HK1: variants seen among roughly 807,000 people sequenced by gnomAD.
HK1 encodes the protein hexokinase 1, also known as hexokinase-1.
In HK1, 28 loss-of-function variants were observed where a neutral mutation model predicts 91.6. The observed-to-expected ratio is 0.31, with a 90% CI of 0.23 to 0.42. HK1 has a LOEUF of 0.42. HK1 is among the 10% of genes least tolerant of loss of function. HK1 has a pLI of 1.00. For synonymous variants in HK1, 430 were observed against 468.1 expected (o/e 0.92, Z 1.05); for missense variants, 770 against 1,219.8 (o/e 0.63, Z 5.49).
Position 69,384,401 on chromosome 10 carries a change from A to G in HK1, c.1639A>G (p.Ser547Gly). Residue 547 changes from serine to glycine, a missense_variant, in exon 11 of 18, where the codon AGT (serine) becomes GGT (glycine). By Grantham distance (56) the Ser-to-Gly change is moderately conservative (BLOSUM62 0). This residue lies in a region of HK1 where 48 missense variants were observed against 128.2 expected (regional missense o/e 0.37). Transcript: ENST00000359426. ...CCGTGTGCTGCTGGTGAAAATCCGT[A>G]GTGGGAAAAAGAGAACGGTGGAAAT... ...NFRVLLVKIR[S>G]GKKRTVEMHN... 6.2e-7 allele frequency: 1 copy of G among 1,614,188 alleles called. No individual in the cohort carries two copies. The highest frequency in any genetic ancestry group is 8.5e-7 in the Non-Finnish European group (1 of 1,180,028).
rs985596496 is a variant in HK1, at chr10:69,307,110, T to C, written c.27+6249T>C. Reference sequence around the variant, plus strand: ...TGGGACATATAAGACTTGATTCTCATAGGCAGCTGGAAATATAATCACGAA... The same window carrying C: ...TGGGACATATAAGACTTGATTCTCACAGGCAGCTGGAAATATAATCACGAA... On this transcript the variant is annotated intron_variant, in intron 5 of 21. Coordinates refer to the HK1 transcript ENST00000360289. Among the ~76,000 whole-genome samples the C allele has an allele frequency of 2.6e-5, 4 of 152,170 alleles. No individual in the cohort carries two copies. The South Asian group carries it at 6.2e-4, about 24-fold the overall frequency.
At chr10:69,271,623 G>A (rs1174136038) in intron 1 of HK1, among the ~76,000 whole-genome samples, 1 of 151,302 alleles carries the variant, frequency 6.6e-6, no homozygotes, top group African/African-American at 2.4e-5. Flanking sequence ...GACTACAGGT[G>A]CCTCCCACCA....
chr10:69,336,512 A>T (rs922711777), intron 1 of HK1, among the ~76,000 whole-genome samples: 3 of 151,878 alleles, frequency 2.0e-5, no homozygotes, highest in African/African-American at 7.3e-5. Flanking sequence ...CTTTAAAAAA[A>T]AAAATGAAAC....
In HK1 at chr10:69,379,873, GC is replaced by G; in HGVS notation, c.1045del (p.Leu349SerfsTer8). ...DVSAIEKNKEGLHNAKEILTR... is the reference protein window; with the variant it reads ...DVSAIEKNKEXLHNAKEILTR... The stretch of plus-strand genomic sequence containing the variant: ...TTCTAACTTCACAGGAATAAGGAAG[GC>G]CTCCACAATGCCAAAGAAATCCTGA... On this transcript the variant is annotated frameshift_variant, in exon 9 of 18. Coordinates refer to ENST00000359426, the MANE Select transcript of HK1 (RefSeq NM_000188.3). LOFTEE classifies it high-confidence loss of function. 1 of 1,611,988 alleles carries G rather than the reference GC, an allele frequency of 6.2e-7. No individual in the cohort carries two copies. The highest frequency in any genetic ancestry group is 8.5e-7 in the Non-Finnish European group (1 of 1,178,064).
In HK1 at chr10:69,276,138, T is replaced by TATAC. The variant is rs753204633; in HGVS notation, c.-391+6031_-391+6032insTACA. The stretch of plus-strand genomic sequence containing the variant: ...AAAAAAATACATATATATATATATA[T>TATAC]ACACATATATATATTCTATATTAAA... On this transcript the variant is annotated intron_variant, in intron 1 of 21. Coordinates refer to the HK1 transcript ENST00000360289. 2.1e-3 allele frequency among the ~76,000 whole-genome samples: 159 copies of TATAC among 76,390 alleles called. 10 individuals carry two copies. The highest frequency in any genetic ancestry group is 3.9e-3 in the Admixed American group (18 of 4,674). The allele number at this position is 76,390 out of a possible 152,430, so 50.1% of individuals were successfully genotyped here.
At chr10:69,288,228 C>T (rs997871438) in intron 2 of HK1, among the ~76,000 whole-genome samples, 2 of 152,274 alleles carry the variant, frequency 1.3e-5, no homozygotes, top group Admixed American at 1.3e-4. Context: ...TTTCTTTGGA[C>T]ATAGTCATAA....
chr10:69,272,423 C>G (rs1330129849), intron 1 of HK1, among the ~76,000 whole-genome samples: 1 of 152,186 alleles, frequency 6.6e-6, no homozygotes, highest in Non-Finnish European at 1.5e-5. Flanking sequence ...GATGGCAGAT[C>G]TAAGCAATTT....
intron 2 of HK1, among the ~76,000 whole-genome samples, chr10:69,346,132 A>G (rs1848547058): frequency 6.6e-6 from 1 of 152,026 alleles, no homozygotes; most frequent in Admixed American, 6.5e-5. Flanking sequence ...TGGCTCCTTT[A>G]TCATCCAAGA....
chr10:69,320,772 G>A (rs766110832), intron 1 of HK1, among the ~76,000 whole-genome samples: 9 of 152,134 alleles, frequency 5.9e-5, no homozygotes, highest in Admixed American at 2.6e-4. Flanking sequence ...GTTGGCTGCC[G>A]GTGGCCTCCA....
upstream of HK1, among the ~76,000 whole-genome samples, chr10:69,313,707 G>A (rs1305248915): frequency 2.6e-5 from 4 of 152,084 alleles, no homozygotes; most frequent in African/African-American, 9.7e-5. Context: ...ATGTTGGTCA[G>A]TCTGGTCTCG....
At chr10:69,297,166 T>C (rs1006084145) in intron 4 of HK1, among the ~76,000 whole-genome samples, 4 of 152,238 alleles carry the variant, frequency 2.6e-5, no homozygotes, top group African/African-American at 9.6e-5. Context: ...ATATTTTGTA[T>C]GTTTTATATA....
chr10:69,392,317 G>A lies in HK1; in HGVS notation c.2219+9G>A, dbSNP rs778180324. 7.4e-6 allele frequency: 12 copies of A among 1,614,116 alleles called. No homozygotes were observed. The highest frequency in any genetic ancestry group is 2.7e-5 in the African/African-American group (2 of 75,042). On this transcript the variant is annotated intron_variant, in intron 15 of 17. Coordinates refer to ENST00000359426, the MANE Select transcript of HK1 (RefSeq NM_000188.3). The stretch of plus-strand genomic sequence containing the variant: ...AATGCTGGGAAACAAAGGTAACCCC[G>A]CCTGGTGGAGAGGACACTCACAGTC...
Position 69,368,469 on chromosome 10 carries a change from T to C in HK1, c.496-67T>C. On this transcript the variant is annotated intron_variant, in intron 4 of 17. Coordinates refer to ENST00000359426, the MANE Select transcript of HK1 (RefSeq NM_000188.3). ...CTGCTTCATCCCTGTCCTGGAGCAA[T>C]GCCCAGGGCCTTGGGGTGCTGGAGG... 5.1e-6 allele frequency: 7 copies of C among 1,362,396 alleles called. No individual in the cohort carries two copies. The South Asian group carries it at 7.0e-5, about 14-fold the overall frequency. The allele number at this position is 1,362,396 out of a possible 1,614,324, so 84.4% of individuals were successfully genotyped here.
At chr10:69,305,213 T>C (rs1280559316) in intron 5 of HK1, among the ~76,000 whole-genome samples, 5 of 152,176 alleles carry the variant, frequency 3.3e-5, no homozygotes, top group African/African-American at 1.2e-4. Flanking sequence ...AGCCACAGAA[T>C]AGCTGTGTCT....
intron 1 of HK1, among the ~76,000 whole-genome samples, chr10:69,335,901 G>A (rs1373467542): frequency 2.0e-5 from 3 of 152,196 alleles, no homozygotes; most frequent in African/African-American, 4.8e-5. Flanking sequence ...GCTAGTTTGA[G>A]TCTTAGAGAG....
intron 1 of HK1, among the ~76,000 whole-genome samples, chr10:69,324,945 T>C (rs1305375461): frequency 6.6e-6 from 1 of 152,190 alleles, no homozygotes; most frequent in African/African-American, 2.4e-5. Flanking sequence ...TCTTGATTTC[T>C]GGAAATAACA....
At chr10:69,285,460 C>T (rs1397570160) in intron 2 of HK1, among the ~76,000 whole-genome samples, 1 of 152,050 alleles carries the variant, frequency 6.6e-6, no homozygotes, top group Non-Finnish European at 1.5e-5. Flanking sequence ...AAACAAAAAA[C>T]AGAAAGGAAT....
At chr10:69,387,264 C>T (rs1839681511) in intron 13 of HK1, among the ~76,000 whole-genome samples, 1 of 152,056 alleles carries the variant, frequency 6.6e-6, no homozygotes, top group Non-Finnish European at 1.5e-5. Context: ...CCAAATTAAA[C>T]TTTTTTAAAA....
intron 3 of HK1, among the ~76,000 whole-genome samples, chr10:69,363,188 A>G (rs12251732): frequency 0.014 from 2,199 of 152,266 alleles, 48 homozygotes; most frequent in African/African-American, 0.051. Context: ...TGTCACTGCC[A>G]TGTGTAAGGG....
Sources: allele counts gnomAD v4.1 joint callset (sites outside exome capture counted in the v4.1 genomes callset), GRCh38; gene constraint gnomAD v4.1.1; regional missense constraint gnomAD v4.1.1; transcripts MANE v1.5; gene names NCBI Gene and HGNC (gene_info 2026-07-23, HGNC 2026-07-21).